NOL7: variants seen among roughly 807,000 people sequenced by gnomAD.
The protein encoded by NOL7 is U3 small nucleolar RNA-associated protein NOL7.
In NOL7, 36 loss-of-function variants were observed where a neutral mutation model predicts 38.4. The ratio of observed to expected loss-of-function variants is 0.94; its 90% CI spans 0.72 to 1.24. The LOEUF is 1.24. Ranked by LOEUF, NOL7 falls within the 50% of genes most tolerant of loss-of-function variation. The pLI, the probability that NOL7 is intolerant of heterozygous loss-of-function variation, is 0.00. For synonymous variants in NOL7, 142 were observed against 126.5 expected, an observed-to-expected ratio of 1.12 and a Z score of -0.82; for missense variants, 350 against 315.1, an observed-to-expected ratio of 1.11 and a Z score of -0.84.
At chr6:13,616,415 A>AC in intron 2 of NOL7, 48 bp from the exon 3 acceptor site, 1 of 1,345,130 alleles carries the variant, frequency 7.4e-7, no homozygotes, top group Non-Finnish European at 1.1e-6. Flanking sequence ...CTCCGGACAT[A>AC]CTATGTACAT....
At chr6:13,620,136 C>G in intron 5 of NOL7, 72 bp from the exon 6 acceptor site, 1 of 1,509,268 alleles carries the variant, frequency 6.6e-7, no homozygotes, top group South Asian at 1.3e-5. Flanking sequence ...GAGCGAGACT[C>G]TGTCTCAGGA....
intron 1 of NOL7, 40 bp from the exon 2 acceptor site, chr6:13,615,672 C>T (rs1428153349): frequency 5.6e-6 from 9 of 1,613,942 alleles, no homozygotes; most frequent in Non-Finnish European, 7.6e-6. Context: ...TCTCGTCCCG[C>T]TTGTCCTTCC....
At chr6:13,616,056 C>T (rs572315261) in intron 2 of NOL7, among the ~76,000 whole-genome samples, 154 of 152,290 alleles carry the variant, frequency 1.0e-3, no homozygotes, top group Non-Finnish European at 1.8e-3. Context: ...AGTTCGTCTC[C>T]TTTAGTGTCC....
At chr6:13,618,184 A>ACTCTCTTAAAG in intron 5 of NOL7, 45 bp downstream of exon 5, 1 of 762,864 alleles carries the variant, frequency 1.3e-6, no homozygotes, top group Non-Finnish European at 2.1e-6. Flanking sequence ...GAGACCTTTA[A>ACTCTCTTAAAG]GAGAGTTAAA....
Position 13,617,800 on chromosome 6 carries a change from A to C in NOL7, c.417A>C (p.Glu139Asp). The change falls in exon 4 of 8, where the codon GAA becomes GAC. Residue 139 changes from glutamate to aspartate, a missense_variant and splice_region_variant. By Grantham distance (45) the Glu-to-Asp change is conservative (BLOSUM62 2). Coordinates refer to ENST00000451315, the MANE Select transcript of NOL7 (RefSeq NM_016167.5). ...AGAAATCGCCAGGAAAGGTGAAAGAAGGTATGACTATTCTAATTTAACTAA... is the reference window on the plus strand; with the variant it reads ...AGAAATCGCCAGGAAAGGTGAAAGACGGTATGACTATTCTAATTTAACTAA... ...NIKKSPGKVK[E>D]VNLQKKNEDC... 1.2e-6 allele frequency: 2 copies of C among 1,613,520 alleles called. No homozygotes were observed. Among genetic ancestry groups the C allele is most frequent in the Non-Finnish European group, 1.7e-6 (2 of 1,179,392 alleles).
intron 5 of NOL7, among the ~76,000 whole-genome samples, chr6:13,619,896 C>T (rs1311565325): frequency 6.6e-6 from 1 of 152,168 alleles, no homozygotes; most frequent in Non-Finnish European, 1.5e-5. Context: ...GTGGCTCATG[C>T]CTGTAATCCC....
downstream of NOL7, among the ~76,000 whole-genome samples, chr6:13,623,344 T>TA (rs371977441): frequency 3.2e-4 from 48 of 152,288 alleles, no homozygotes; most frequent in African/African-American, 1.2e-3. Context: ...GACACATGGC[T>TA]AGGAAGGCTT....
downstream of NOL7, chr6:13,625,718 A>G (rs1364005345): frequency 6.2e-6 from 10 of 1,613,122 alleles, no homozygotes; most frequent in African/African-American, 1.3e-5. Flanking sequence ...CTGATTTCCA[A>G]CTGGGCTGTT....
chr6:13,617,839 T>C, intron 4 of NOL7, 38 bp downstream of exon 4: 2 of 1,582,670 alleles, frequency 1.3e-6, no homozygotes, highest in Non-Finnish European at 1.7e-6. Flanking sequence ...CTCATGTAAG[T>C]GTCAAGTGCA....
chr6:13,631,170 T>C (rs1764771207), intron 8 of NOL7, among the ~76,000 whole-genome samples: 1 of 152,162 alleles, frequency 6.6e-6, no homozygotes, highest in Non-Finnish European at 1.5e-5. Flanking sequence ...AACATAAAAA[T>C]AATTTAACTT....
At chr6:13,628,283 T>C (rs1227261446) in intron 8 of NOL7, among the ~76,000 whole-genome samples, 1 of 152,188 alleles carries the variant, frequency 6.6e-6, no homozygotes, top group Non-Finnish European at 1.5e-5. Flanking sequence ...AGCTGTCAGA[T>C]ATTGAGGATA....
chr6:13,631,027 C>T (rs1290390009), intron 8 of NOL7, among the ~76,000 whole-genome samples: 2 of 152,012 alleles, frequency 1.3e-5, no homozygotes, highest in South Asian at 2.1e-4. Flanking sequence ...GCAGGATGGT[C>T]TCAATCTCTT....
Position 13,620,961 on chromosome 6 carries a change from CT to C in NOL7, c.*135del. 2 of 589,644 alleles carry C rather than the reference CT, an allele frequency of 3.4e-6. No homozygotes were observed. The highest frequency in any genetic ancestry group is 2.6e-5 in the South Asian group (1 of 38,134). The allele number at this position is 589,644 out of a possible 1,614,324, so 36.5% of individuals were successfully genotyped here. ...AAGTGCTCAACCACATTTCATTCTTCTGGAGTAGAACTGTGCCTTGCAATCC... is the reference window on the plus strand; with the variant it reads ...AAGTGCTCAACCACATTTCATTCTTCGGAGTAGAACTGTGCCTTGCAATCC... On this transcript the variant is annotated 3_prime_UTR_variant, in exon 8 of 8. Coordinates refer to ENST00000451315, the MANE Select transcript of NOL7 (RefSeq NM_016167.5).
chr6:13,626,828 G>A lies in NOL7; in HGVS notation n.574-5565G>A, dbSNP rs577973636. Among the ~76,000 whole-genome samples, 479 of 152,250 alleles carry A rather than the reference G, an allele frequency of 3.1e-3. 5 individuals are homozygous for A. The highest frequency in any genetic ancestry group is 0.011 in the African/African-American group (458 of 41,526). On this transcript the variant is annotated intron_variant and non_coding_transcript_variant, in intron 8 of 8. Coordinates refer to the NOL7 transcript ENST00000474485. ...ACACCCATTTTCCATCATTTCTCTA[G>A]TTATCTTACTAGTGTTATGAAAGCA... is the stretch of plus-strand genomic sequence containing the variant.
rs556561848 is a variant in NOL7, at chr6:13,615,338, C to T, written c.-21C>T. 1.0e-5 allele frequency: 15 copies of T among 1,447,540 alleles called. No individual in the cohort carries two copies. Among genetic ancestry groups the T allele is most frequent in the East Asian group, 2.5e-5 (1 of 39,530 alleles). The allele number at this position is 1,447,540 out of a possible 1,614,324, so 89.7% of individuals were successfully genotyped here. A position where few individuals can be genotyped will look rare whatever the true frequency, so the allele number is the denominator to read the frequency against. ...AGCTGCTTCCGGGTCAGAGGTCAGA[C>T]GGTCTAGCGCTGCGTGGGCCATGGT... is the stretch of plus-strand genomic sequence containing the variant. On this transcript the variant is annotated 5_prime_UTR_variant, in exon 1 of 8. In the 5' UTR this introduces an upstream ATG that the reference lacks. Coordinates refer to ENST00000451315, the MANE Select transcript of NOL7 (RefSeq NM_016167.5).
At chr6:13,628,859 C>G (rs1444783675) in intron 8 of NOL7, among the ~76,000 whole-genome samples, 1 of 152,156 alleles carries the variant, frequency 6.6e-6, no homozygotes, top group African/African-American at 2.4e-5. Context: ...TGGTACATTC[C>G]TTCATTACTG....
At chr6:13,623,878 T>C (rs1439301112), downstream of NOL7, among the ~76,000 whole-genome samples, 3 of 152,180 alleles carry the variant, frequency 2.0e-5, no homozygotes, top group Non-Finnish European at 4.4e-5. Context: ...CTATAGATAA[T>C]GGTGCTCAAC....
downstream of NOL7, among the ~76,000 whole-genome samples, chr6:13,626,540 C>CAGTATCA (rs1210444183): frequency 6.6e-6 from 1 of 152,158 alleles, no homozygotes; most frequent in African/African-American, 2.4e-5. Flanking sequence ...ATGAAATTAG[C>CAGTATCA]AGTATCAGTT....
chr6:13,619,092 T>TAA (rs1562290881), intron 5 of NOL7, among the ~76,000 whole-genome samples: 1 of 152,254 alleles, frequency 6.6e-6, no homozygotes, highest in Non-Finnish European at 1.5e-5. Flanking sequence ...AGCCTACTCT[T>TAA]ATTCAGGCAG....
Sources: allele counts gnomAD v4.1 joint callset (sites outside exome capture counted in the v4.1 genomes callset), GRCh38; gene constraint gnomAD v4.1.1; transcripts MANE v1.5; gene names NCBI Gene and HGNC (gene_info 2026-07-23, HGNC 2026-07-21).